PTPRM: variants seen among roughly 807,000 people sequenced by gnomAD.
PTPRM encodes protein tyrosine phosphatase receptor type M, also known as receptor-type tyrosine-protein phosphatase mu.
A neutral mutation model predicts 186.7 loss-of-function variants in PTPRM; 47 were observed. That is an observed-to-expected ratio of 0.25 (90% CI 0.20 to 0.32). The LOEUF (loss-of-function observed/expected upper bound fraction) is 0.32. PTPRM is among the 10% of genes least tolerant of loss of function. The pLI is 1.00. For synonymous variants in PTPRM, 668 were observed against 674.9 expected (o/e 0.99, Z 0.16); for missense variants, 1,494 against 1,865.0 (o/e 0.80, Z 3.66).
At chr18:8,239,090 A>G (rs1340959804) in intron 14 of PTPRM, among the ~76,000 whole-genome samples, 1 of 147,324 alleles carries the variant, frequency 6.8e-6, no homozygotes, top group African/African-American at 2.5e-5. Flanking sequence ...GGTGTGCTGC[A>G]CCCATTAACT....
Position 7,949,273 on chromosome 18 carries a change from A to G in PTPRM, c.756A>G (p.Lys252=). 1 of 1,614,020 alleles carries G rather than the reference A, an allele frequency of 6.2e-7. No homozygotes were observed. The highest frequency in any genetic ancestry group is 8.5e-7 in the Non-Finnish European group (1 of 1,179,870). The change falls in exon 6 of 33, where the codon AAA becomes AAG. Residue 252 remains lysine (K), a synonymous_variant. Transcript: ENST00000580170. ...IASFNVVNTT[K]RDAGKYRCMI... is the part of the protein sequence containing the mutation. ...CATTTAATGTTGTGAATACCACCAA[A>G]CGAGATGCTGGAAAGTACCGCTGCA...
At chr18:8,165,113 A>G (rs554332911) in intron 14 of PTPRM, among the ~76,000 whole-genome samples, 62 of 151,606 alleles carry the variant, frequency 4.1e-4, no homozygotes, top group Middle Eastern at 3.4e-3. Context: ...AGGTTGCAGT[A>G]AGCGGAGATC....
At chr18:8,242,627 A>G (rs1184094142) in intron 14 of PTPRM, among the ~76,000 whole-genome samples, 1 of 152,188 alleles carries the variant, frequency 6.6e-6, no homozygotes, top group Non-Finnish European at 1.5e-5. Context: ...TTTTCTGTTT[A>G]AAAATATGTC....
chr18:8,401,492 T>C lies in PTPRM; in HGVS notation c.4345-4617T>C, dbSNP rs78358701. Among the ~76,000 whole-genome samples, 55 of 152,296 alleles carry C rather than the reference T, an allele frequency of 3.6e-4. 1 individual carries two copies. The East Asian group carries it at 0.01, about 29-fold the overall frequency. On this transcript the variant is annotated intron_variant, in intron 32 of 32. Coordinates refer to ENST00000580170, the MANE Select transcript of PTPRM (RefSeq NM_001105244.2). Reference sequence around the variant, plus strand: ...CCCACGCTGCCCTTCTGGCAGGGCATCACTCAGAAGAATTTTTCCAGCCCG... The same window carrying C: ...CCCACGCTGCCCTTCTGGCAGGGCACCACTCAGAAGAATTTTTCCAGCCCG...
intron 23 of PTPRM, among the ~76,000 whole-genome samples, chr18:8,370,079 A>G (rs73939451): frequency 0.011 from 1,624 of 152,072 alleles, 34 homozygotes; most frequent in African/African-American, 0.037. Flanking sequence ...AATGCCAGGA[A>G]TCCTGGGGAG....
rs147932815 is a variant in PTPRM at position 8,104,579 on chromosome 18, G to A, written c.1857-8907G>A. ...CCCACCTCAGTCTCCTGAGTAGCTG[G>A]GACTTAGAGGTGGTGTGCCACCACA... On this transcript the variant is annotated intron_variant, in intron 11 of 32. Transcript: ENST00000580170. 4.5e-3 allele frequency among the ~76,000 whole-genome samples: 691 copies of A among 152,108 alleles called. 3 individuals are homozygous for A. The highest frequency in any genetic ancestry group is 7.1e-3 in the Non-Finnish European group (484 of 68,008).
At chr18:7,709,942 G>A (rs2040176914) in intron 1 of PTPRM, among the ~76,000 whole-genome samples, 1 of 152,148 alleles carries the variant, frequency 6.6e-6, no homozygotes. Flanking sequence ...CTAAGACCAT[G>A]TGGATTCACA....
intron 3 of PTPRM, among the ~76,000 whole-genome samples, chr18:7,889,834 G>A (rs1471173318): frequency 1.3e-5 from 2 of 152,190 alleles, no homozygotes; most frequent in Non-Finnish European, 2.9e-5. Context: ...TGTAGATGGA[G>A]TCCTTGTCAC....
intron 3 of PTPRM, among the ~76,000 whole-genome samples, chr18:7,900,304 G>A (rs777474169): frequency 3.3e-5 from 5 of 152,246 alleles, no homozygotes; most frequent in South Asian, 2.1e-4. Flanking sequence ...TAATTCTCTT[G>A]TATCACAAAA....
chr18:8,143,708 T>A lies in PTPRM; in HGVS notation c.2229T>A (p.Ile743=), dbSNP rs2092816006. 4 of 1,612,910 alleles carry A rather than the reference T, an allele frequency of 2.5e-6. No homozygotes were observed. The highest frequency in any genetic ancestry group is 3.4e-6 in the Non-Finnish European group (4 of 1,178,864). ...PEKQTDHTVK[I]AGVIAGILLF... ...AACAGACAGACCATACAGTTAAAAT[T>A]GCTGGAGTCATCGCGGGCATCTTGC... Residue 743 remains isoleucine, a synonymous_variant, in exon 14 of 33, where the codon ATT becomes ATA. Coordinates refer to ENST00000580170, the MANE Select transcript of PTPRM (RefSeq NM_001105244.2).
chr18:8,043,964 AC>A (rs1175357927), intron 7 of PTPRM, among the ~76,000 whole-genome samples: 1 of 152,178 alleles, frequency 6.6e-6, no homozygotes, highest in African/African-American at 2.4e-5. Context: ...TTTGGCAGAG[AC>A]CGGGCTTCTG....
In PTPRM at chr18:8,073,836, T is replaced by C. The variant is rs1035322827; in HGVS notation, c.1442-2619T>C. On this transcript the variant is annotated intron_variant, in intron 8 of 32. Coordinates refer to ENST00000580170, the MANE Select transcript of PTPRM (RefSeq NM_001105244.2). ...TGAGAGATCACTTAAACCTGGGAGG[T>C]TGAGGCTGCAGTGTGCAATGCTAGC... Among the ~76,000 whole-genome samples, 4 of 152,118 alleles carry C rather than the reference T, an allele frequency of 2.6e-5. No homozygotes were observed. In the South Asian group the frequency reaches 8.3e-4, roughly 32 times the overall value.
intron 7 of PTPRM, among the ~76,000 whole-genome samples, chr18:8,043,426 T>C (rs1942953): frequency 0.34 from 51,546 of 152,074 alleles, 9,829 homozygotes; most frequent in Non-Finnish European, 0.43. Context: ...CCACTCTGCC[T>C]GGATTGTTTC....
intron 19 of PTPRM, among the ~76,000 whole-genome samples, chr18:8,288,597 A>G (rs1224726761): frequency 6.6e-6 from 1 of 152,210 alleles, no homozygotes; most frequent in Non-Finnish European, 1.5e-5. Flanking sequence ...GGCCTTGTCC[A>G]AGGAATGTTC....
At chr18:7,578,064 T>A (rs888137927) in intron 1 of PTPRM, among the ~76,000 whole-genome samples, 24 of 152,184 alleles carry the variant, frequency 1.6e-4, no homozygotes, top group African/African-American at 5.3e-4. Flanking sequence ...TTCCTGGCAT[T>A]GAGTTCTCCT....
intron 20 of PTPRM, among the ~76,000 whole-genome samples, chr18:8,298,967 T>C (rs1417166199): frequency 6.6e-6 from 1 of 152,116 alleles, no homozygotes; most frequent in Non-Finnish European, 1.5e-5. Context: ...ATTTTAAAAA[T>C]TAGTTGGGCG....
In PTPRM at chr18:7,884,924, CAAAAAAAAAA is replaced by C. The variant is rs56724615; in HGVS notation, c.197-3164_197-3155del. On this transcript the variant is annotated intron_variant, in intron 2 of 32. Coordinates refer to ENST00000580170, the MANE Select transcript of PTPRM (RefSeq NM_001105244.2). Reference sequence around the variant, plus strand: ...GGGCGACGAGAGCAAAGCTCCATCTCAAAAAAAAAAAAAAAAAAAAAAAAAAAGGAGAGAG... The same window carrying C: ...GGGCGACGAGAGCAAAGCTCCATCTCAAAAAAAAAAAAAAAAAGGAGAGAG... Among the ~76,000 whole-genome samples the C allele has an allele frequency of 8.5e-4, 32 of 37,850 alleles. No individual in the cohort carries two copies. In the South Asian group the frequency reaches 9.1e-3, roughly 11 times the overall value. The allele number at this position is 37,850 out of a possible 152,430, so 24.8% of individuals were successfully genotyped here. A position where few individuals can be genotyped will look rare whatever the true frequency, so the allele number is the denominator to read the frequency against.
intron 11 of PTPRM, among the ~76,000 whole-genome samples, chr18:8,112,403 A>G (rs1192119404): frequency 6.6e-6 from 1 of 152,216 alleles, no homozygotes; most frequent in Non-Finnish European, 1.5e-5. Flanking sequence ...GGGTGGGGAT[A>G]GCAGGCAGCC....
chr18:8,376,579 G>A lies in PTPRM; in HGVS notation c.3444G>A (p.Val1148=). 6.2e-7 allele frequency: 1 copy of A among 1,613,544 alleles called. No homozygotes were observed. The highest frequency in any genetic ancestry group is 8.5e-7 in the Non-Finnish European group (1 of 1,179,922). ...TCAGGGAGCTGCGGTCACGGAGGGT[G>A]AACATGGTGCAAACAGAGGTACTCC... is the stretch of plus-strand genomic sequence containing the variant. ...NCVRELRSRR[V]NMVQTEEQYV... is the part of the protein sequence containing the mutation. Residue 1148 remains valine (V), a synonymous_variant, in exon 26 of 33, where the codon GTG becomes GTA. Coordinates refer to ENST00000580170, the MANE Select transcript of PTPRM (RefSeq NM_001105244.2).
Sources: allele counts gnomAD v4.1 joint callset (sites outside exome capture counted in the v4.1 genomes callset), GRCh38; gene constraint gnomAD v4.1.1; transcripts MANE v1.5; gene names NCBI Gene and HGNC (gene_info 2026-07-23, HGNC 2026-07-21).